The following ECT2 variants were observed in gnomAD, a reference collection of about 807,000 sequenced individuals.
ECT2 encodes protein ECT2.
A neutral mutation model predicts 116.9 loss-of-function variants in ECT2; 61 were observed. That is an observed-to-expected ratio of 0.52 (90% CI 0.42 to 0.65). ECT2 has a LOEUF of 0.65. ECT2 is among the 30% of genes least tolerant of loss of function. The pLI is 0.00. For missense variants in ECT2, 937 were observed against 1,078.7 expected (o/e 0.87, Z 1.84); for synonymous variants, 358 against 346.4 (o/e 1.03, Z -0.37).
At chr3:172,828,991 C>T in the ECT2 span, 2 of 1,073,988 alleles carry the variant, frequency 1.9e-6, no homozygotes, top group Non-Finnish European at 2.9e-6. Context: ...GTCAATGTCC[C>T]AGGAGACAAC....
chr3:172,760,046 G>A, intron 6 of ECT2, 110 bp from the exon 7 acceptor site: 1 of 572,796 alleles, frequency 1.7e-6, no homozygotes, highest in Non-Finnish European at 2.9e-6. Flanking sequence ...AATCCCGTAT[G>A]TATTTTATAA....
intron 18 of ECT2, among the ~76,000 whole-genome samples, chr3:172,787,468 G>A (rs868538994): frequency 6.6e-6 from 1 of 152,142 alleles, no homozygotes; most frequent in Non-Finnish European, 1.5e-5. Context: ...ACCAAAATCT[G>A]TAGGTGCTCA....
intron 18 of ECT2, among the ~76,000 whole-genome samples, chr3:172,798,030 TAACCTAAAC>T (rs915013284): frequency 5.9e-5 from 9 of 152,200 alleles, no homozygotes; most frequent in African/African-American, 2.2e-4. Context: ...TTAGTCTTTT[TAACCTAAAC>T]TAACTGAGAT....
At position 172,821,048 on chromosome 3, in the gene ECT2, G is replaced by C. The variant is rs1730618017; in HGVS notation, c.*811G>C. 2.0e-5 allele frequency: 3 copies of C among 151,856 alleles called. No individual in the cohort carries two copies. In the South Asian group the frequency reaches 6.2e-4, roughly 31 times the overall value. The allele number at this position is 151,856 out of a possible 1,614,324, so 9.4% of individuals were successfully genotyped here. A position where few individuals can be genotyped will look rare whatever the true frequency, so the allele number is the denominator to read the frequency against. ...AGGATAAGACCATGGGAAAATTGTG[G>C]TAAAGACTGTTTGTACCCTTCATGA... is the stretch of plus-strand genomic sequence containing the variant. On this transcript the variant is annotated 3_prime_UTR_variant, in exon 25 of 25. Coordinates refer to ENST00000392692, the MANE Select transcript of ECT2 (RefSeq NM_001258315.2).
chr3:172,760,388 T>C, intron 7 of ECT2, 125 bp downstream of exon 7: 1 of 514,218 alleles, frequency 1.9e-6, no homozygotes, highest in Non-Finnish European at 3.4e-6. Context: ...TTGCTATGAA[T>C]ATATTTAGTA....
chr3:172,801,560 C>A (rs2109011062), intron 18 of ECT2, among the ~76,000 whole-genome samples: 1 of 152,310 alleles, frequency 6.6e-6, no homozygotes, highest in Middle Eastern at 3.4e-3. Flanking sequence ...CATAAGGAAG[C>A]CTTCTGAAAA....
At chr3:172,827,516 G>A in the ECT2 span, among the ~76,000 whole-genome samples, 1 of 152,166 alleles carries the variant, frequency 6.6e-6, no homozygotes, top group Admixed American at 6.5e-5. Context: ...AGTCAAATAA[G>A]CTAGGCACAA....
At chr3:172,766,677 T>A (rs999695110) in intron 12 of ECT2, among the ~76,000 whole-genome samples, 3 of 152,172 alleles carry the variant, frequency 2.0e-5, no homozygotes, top group African/African-American at 7.2e-5. Flanking sequence ...TTGGCATGGA[T>A]AGGAAATTTA....
intron 22 of ECT2, among the ~76,000 whole-genome samples, chr3:172,813,446 T>C (rs1729124776): frequency 6.6e-6 from 1 of 152,074 alleles, no homozygotes; most frequent in Admixed American, 6.6e-5. Flanking sequence ...GTATACCCTT[T>C]TTCCATCAGG....
intron 14 of ECT2, among the ~76,000 whole-genome samples, chr3:172,776,854 T>C (rs1350846078): frequency 6.6e-6 from 1 of 151,538 alleles, no homozygotes; most frequent in Non-Finnish European, 1.5e-5. Context: ...TAAGAATATG[T>C]AGTGGAAAAA....
At chr3:172,758,082 A>C (rs969712542) in intron 5 of ECT2, among the ~76,000 whole-genome samples, 5 of 151,700 alleles carry the variant, frequency 3.3e-5, no homozygotes, top group African/African-American at 1.2e-4. Context: ...CTGGTCTCGA[A>C]CTCTTGACCT....
Position 172,760,282 on chromosome 3 carries a change from T to C in ECT2, c.684+19T>C, listed in dbSNP as rs373201010. The C allele has an allele frequency of 3.3e-6, 5 of 1,503,154 alleles. No individual in the cohort carries two copies. The African/African-American group carries it at 6.9e-5, about 21-fold the overall frequency. 93.1% of individuals were successfully genotyped at this position (1,503,154 alleles called of 1,614,324 possible). On this transcript the variant is annotated intron_variant, in intron 7 of 24. Transcript: ENST00000392692. ...ATTCAGGGTATGTAAACTTGGGTAT[T>C]TTTGTGTATTTCAATACAGCATTAT...
At chr3:172,816,615 G>C in intron 23 of ECT2, 76 bp from the exon 24 acceptor site, 2 of 1,323,916 alleles carry the variant, frequency 1.5e-6, no homozygotes, top group Non-Finnish European at 2.0e-6. Context: ...CATATATTTG[G>C]CTTTTTTATG....
intron 13 of ECT2, among the ~76,000 whole-genome samples, chr3:172,772,385 A>G (rs1038349878): frequency 1.3e-5 from 2 of 152,092 alleles, no homozygotes; most frequent in Non-Finnish European, 2.9e-5. Flanking sequence ...TTTAGTAGAG[A>G]TGGGGTTTCA....
chr3:172,763,171 G>A (rs912458336), intron 11 of ECT2, among the ~76,000 whole-genome samples, 199 bp downstream of exon 11: 4 of 152,198 alleles, frequency 2.6e-5, no homozygotes, highest in Non-Finnish European at 4.4e-5. Flanking sequence ...AATATATGTT[G>A]TTCTGTGCGA....
intron 19 of ECT2, 34 bp from the exon 20 acceptor site, chr3:172,802,827 G>T: frequency 6.3e-7 from 1 of 1,586,418 alleles, no homozygotes; most frequent in Non-Finnish European, 8.6e-7. Flanking sequence ...TTGATACCAA[G>T]TGATCTCTTT....
At position 172,783,893 on chromosome 3, in the gene ECT2, T is replaced by A; in HGVS notation, c.1712T>A (p.Phe571Tyr). Residue 571 changes from phenylalanine to tyrosine, a missense_variant, in exon 16 of 25, where the codon TTT becomes TAT. Transcript: ENST00000392692. ...AAATGTGAAAAACAGAAACCAAGAT[T>A]TCATGCTTTTCTCAAGGTAATGTGT... is the stretch of plus-strand genomic sequence containing the variant. ...IIKCEKQKPRFHAFLKINQAK... is the reference protein window; with the variant it reads ...IIKCEKQKPRYHAFLKINQAK... The A allele has an allele frequency of 6.3e-7, 1 of 1,588,248 alleles. No individual in the cohort carries two copies. Among genetic ancestry groups the A allele is most frequent in the Non-Finnish European group, 8.6e-7 (1 of 1,164,250 alleles).
At chr3:172,762,321 C>A in intron 8 of ECT2, 95 bp from the exon 9 acceptor site, 1 of 1,307,978 alleles carries the variant, frequency 7.6e-7, no homozygotes, top group Non-Finnish European at 1.1e-6. Flanking sequence ...TAGATTATGC[C>A]AAGACCTTGA....
chr3:172,799,828 T>G (rs1726392322), intron 18 of ECT2, among the ~76,000 whole-genome samples: 1 of 152,228 alleles, frequency 6.6e-6, no homozygotes, highest in African/African-American at 2.4e-5. Context: ...TTTTATTGCT[T>G]GTCTAATCTT....
Sources: allele counts gnomAD v4.1 joint callset (sites outside exome capture counted in the v4.1 genomes callset), GRCh38; gene constraint gnomAD v4.1.1; transcripts MANE v1.5; gene names NCBI Gene and HGNC (gene_info 2026-07-23, HGNC 2026-07-21).